Variants in DCC observed in about 807,000 individuals in gnomAD.
DCC encodes the protein netrin receptor DCC.
In DCC, 58 loss-of-function variants were observed where a neutral mutation model predicts 172.5. That is an observed-to-expected ratio of 0.34 (90% CI 0.27 to 0.42). The LOEUF is 0.42. Ranked by LOEUF, DCC falls within the 10% of genes least tolerant of loss-of-function variation. DCC has a pLI of 1.00. For missense variants in DCC, 1,740 were observed against 1,791.0 expected, an observed-to-expected ratio of 0.97 and a Z score of 0.51; for synonymous variants, 709 against 644.5, an observed-to-expected ratio of 1.10 and a Z score of -1.52.
intron 14 of DCC, among the ~76,000 whole-genome samples, chr18:53,336,247 A>G (rs370304462): frequency 3.5e-4 from 53 of 152,340 alleles, no homozygotes; most frequent in Middle Eastern, 3.4e-3. Flanking sequence ...CAAGCAAGTA[A>G]TAGTCATATT....
chr18:52,738,444 G>C (rs1035918912), intron 1 of DCC, among the ~76,000 whole-genome samples: 3 of 152,134 alleles, frequency 2.0e-5, no homozygotes, highest in Non-Finnish European at 2.9e-5. Flanking sequence ...GATGGTATTT[G>C]TGTATCAAAA....
Position 52,366,890 on chromosome 18 carries a change from G to A in DCC, c.91+26012G>A, listed in dbSNP as rs530356206. 9.9e-5 allele frequency among the ~76,000 whole-genome samples: 15 copies of A among 152,224 alleles called. No homozygotes were observed. The East Asian group carries it at 1.5e-3, about 16-fold the overall frequency. On this transcript the variant is annotated intron_variant, in intron 1 of 28. Transcript: ENST00000442544. Reference sequence around the variant, plus strand: ...GCAGGTGGAGCTGCCTGCCAGTCCCGTGCCGTGCGCTCGCACTCCTCAGCC... The same window carrying A: ...GCAGGTGGAGCTGCCTGCCAGTCCCATGCCGTGCGCTCGCACTCCTCAGCC...
chr18:52,699,896 C>A (rs1010713034), intron 1 of DCC, among the ~76,000 whole-genome samples: 2 of 152,086 alleles, frequency 1.3e-5, no homozygotes, highest in African/African-American at 4.8e-5. Flanking sequence ...TTAACATGTA[C>A]AATGGTCTTT....
At chr18:53,248,312 C>G (rs1050589163) in intron 12 of DCC, among the ~76,000 whole-genome samples, 46 of 152,042 alleles carry the variant, frequency 3.0e-4, no homozygotes, top group African/African-American at 1.1e-3. Context: ...AATCCTAAAC[C>G]TTTGTCAGTG....
At chr18:52,383,901 C>A (rs1399833787) in intron 1 of DCC, among the ~76,000 whole-genome samples, 2 of 152,066 alleles carry the variant, frequency 1.3e-5, no homozygotes, top group African/African-American at 2.4e-5. Context: ...ACAGCACCAA[C>A]TCATTCTTGT....
At chr18:52,984,045 T>C (rs1165818813) in intron 5 of DCC, among the ~76,000 whole-genome samples, 1 of 152,082 alleles carries the variant, frequency 6.6e-6, no homozygotes, top group Non-Finnish European at 1.5e-5. Context: ...ACACAAATAC[T>C]CAAATGGGCC....
chr18:53,192,553 G>A (rs1309198766), intron 9 of DCC, among the ~76,000 whole-genome samples: 1 of 152,148 alleles, frequency 6.6e-6, no homozygotes, highest in Admixed American at 6.5e-5. Context: ...AGACTAGCTG[G>A]TCTTCCTGAA....
chr18:52,757,655 A>G (rs1000460814), intron 2 of DCC, among the ~76,000 whole-genome samples: 6 of 152,032 alleles, frequency 3.9e-5, no homozygotes, highest in Non-Finnish European at 5.9e-5. Flanking sequence ...GATACATTAT[A>G]TTGTATTTGT....
intron 1 of DCC, among the ~76,000 whole-genome samples, chr18:52,723,687 C>G (rs2036507077): frequency 6.6e-6 from 1 of 152,116 alleles, no homozygotes; most frequent in Admixed American, 6.6e-5. Flanking sequence ...TGGAGTCAGG[C>G]TCATAAGGGC....
chr18:52,828,468 G>A (rs1404900243), intron 2 of DCC, among the ~76,000 whole-genome samples: 2 of 151,666 alleles, frequency 1.3e-5, no homozygotes, highest in African/African-American at 2.4e-5. Context: ...GAGGAATAAT[G>A]GTTTTGATCA....
At chr18:52,898,453 CT>C (rs1434240096) in intron 2 of DCC, among the ~76,000 whole-genome samples, 2 of 152,110 alleles carry the variant, frequency 1.3e-5, no homozygotes, top group Non-Finnish European at 2.9e-5. Context: ...TTTATTTCCA[CT>C]TTTGCTTGAA....
intron 2 of DCC, among the ~76,000 whole-genome samples, chr18:52,790,610 G>T (rs994743814): frequency 1.3e-5 from 2 of 152,110 alleles, no homozygotes; most frequent in Non-Finnish European, 2.9e-5. Flanking sequence ...CGTAAAAGAA[G>T]GAACCACACC....
intron 2 of DCC, among the ~76,000 whole-genome samples, chr18:52,819,101 T>A (rs150463056): frequency 6.6e-6 from 1 of 151,848 alleles, no homozygotes; most frequent in African/African-American, 2.4e-5. Context: ...TTTACAGAAA[T>A]ATTTTGCATG....
chr18:53,227,440 G>A (rs1310536815), intron 12 of DCC, among the ~76,000 whole-genome samples: 1 of 152,096 alleles, frequency 6.6e-6, no homozygotes, highest in African/African-American at 2.4e-5. Flanking sequence ...CATAGAAAAT[G>A]ATAGCCTCCA....
At chr18:52,852,388 A>T (rs1406762330) in intron 2 of DCC, among the ~76,000 whole-genome samples, 3 of 152,158 alleles carry the variant, frequency 2.0e-5, no homozygotes, top group Non-Finnish European at 4.4e-5. Context: ...ACTTTCATCC[A>T]TCTGTTTCTC....
intron 11 of DCC, among the ~76,000 whole-genome samples, chr18:53,213,587 G>T (rs74565020): frequency 7.2e-6 from 1 of 139,252 alleles, no homozygotes; most frequent in Non-Finnish European, 1.5e-5. Context: ...GACGAAGGTT[G>T]CAGTGAGCTG....
intron 5 of DCC, among the ~76,000 whole-genome samples, chr18:53,058,265 T>C (rs549028953): frequency 6.6e-6 from 1 of 152,150 alleles, no homozygotes; most frequent in Non-Finnish European, 1.5e-5. Flanking sequence ...TTAAATGATT[T>C]CTACAGAAAA....
At chr18:53,182,224 T>C (rs1347977072) in intron 9 of DCC, among the ~76,000 whole-genome samples, 1 of 152,250 alleles carries the variant, frequency 6.6e-6, no homozygotes, top group Non-Finnish European at 1.5e-5. Flanking sequence ...CTCTCTGCTT[T>C]AGAAACATGA....
At chr18:52,893,186 A>C (rs41510648) in intron 2 of DCC, among the ~76,000 whole-genome samples, 2,618 of 152,214 alleles carry the variant, frequency 0.017, 55 homozygotes, top group African/African-American at 0.046. Context: ...TCTCTCTCTA[A>C]AGATTTTGAA....
Sources: allele counts gnomAD v4.1 joint callset (sites outside exome capture counted in the v4.1 genomes callset), GRCh38; gene constraint gnomAD v4.1.1; transcripts MANE v1.5; gene names NCBI Gene and HGNC (gene_info 2026-07-23, HGNC 2026-07-21).